Variants in CDH12 observed in about 807,000 individuals in gnomAD.
The protein encoded by CDH12 is cadherin-12.
A neutral mutation model predicts 74.1 loss-of-function variants in CDH12; 41 were observed. The ratio of observed to expected loss-of-function variants is 0.55; its 90% CI spans 0.43 to 0.72. CDH12 has a LOEUF of 0.72. Among genes scored for constraint, CDH12 ranks in the 30% least tolerant of loss-of-function variants. CDH12 has a pLI of 0.00. For missense variants in CDH12, 945 were observed against 977.2 expected, an observed-to-expected ratio of 0.97 and a Z score of 0.44; for synonymous variants, 399 against 355.0, an observed-to-expected ratio of 1.12 and a Z score of -1.39.
intron 3 of CDH12, among the ~76,000 whole-genome samples, chr5:22,399,136 A>G (rs963459448): frequency 6.6e-6 from 1 of 151,902 alleles, no homozygotes; most frequent in African/African-American, 2.4e-5. Flanking sequence ...TATTTATCCA[A>G]TCTGTATGTA....
chr5:21,874,369 G>T (rs893381580), intron 6 of CDH12, among the ~76,000 whole-genome samples: 1 of 152,132 alleles, frequency 6.6e-6, no homozygotes, highest in Non-Finnish European at 1.5e-5. Context: ...AGCCTAGCTG[G>T]GAAGGTGACC....
rs552710736 is a variant in CDH12 at position 22,282,691 on chromosome 5, A to T, written c.-332-70048T>A. Among the ~76,000 whole-genome samples, 37 of 152,284 alleles carry T rather than the reference A, an allele frequency of 2.4e-4. No individual in the cohort carries two copies. In the East Asian group the frequency reaches 3.5e-3, roughly 14 times the overall value. On this transcript the variant is annotated intron_variant, in intron 3 of 14. Transcript: ENST00000382254. ...AAATTCAAATCACAACCACAATGAG[A>T]TACAGTCTCACACCAGTTAGAATGA...
chr5:21,832,380 C>T (rs1040123946), intron 8 of CDH12, among the ~76,000 whole-genome samples: 4 of 152,048 alleles, frequency 2.6e-5, no homozygotes, highest in Admixed American at 2.6e-4. Context: ...TATATGCCTA[C>T]ATCAGCCTAT....
chr5:22,732,231 C>T lies in CDH12; in HGVS notation c.-523+120827G>A, dbSNP rs559836120. On this transcript the variant is annotated intron_variant, in intron 1 of 14. Transcript: ENST00000382254. ...CCAGTTTTCTCCTGGCATCTTCACACGGTCTTCCCTCTGTATATATCTTTG... is the reference window on the plus strand; with the variant it reads ...CCAGTTTTCTCCTGGCATCTTCACATGGTCTTCCCTCTGTATATATCTTTG... Among the ~76,000 whole-genome samples, 22 of 151,878 alleles carry T rather than the reference C, an allele frequency of 1.4e-4. No homozygotes were observed. The South Asian group carries it at 2.3e-3, about 16-fold the overall frequency.
intron 1 of CDH12, among the ~76,000 whole-genome samples, chr5:22,651,563 A>C (rs1386246080): frequency 6.6e-6 from 1 of 152,112 alleles, no homozygotes; most frequent in African/African-American, 2.4e-5. Context: ...GGGGGAAACC[A>C]CTTCCATGAT....
intron 2 of CDH12, among the ~76,000 whole-genome samples, chr5:22,478,238 G>C (rs1490984965): frequency 6.6e-6 from 1 of 151,830 alleles, no homozygotes; most frequent in East Asian, 2.0e-4. Flanking sequence ...CTAACACCGT[G>C]AAACTCCGTC....
rs1346446429 is a variant in CDH12, at chr5:22,273,648, T to A, written c.-332-61005A>T. Among the ~76,000 whole-genome samples the A allele has an allele frequency of 2.0e-5, 3 of 152,330 alleles. No homozygotes were observed. The East Asian group carries it at 5.8e-4, about 29-fold the overall frequency. On this transcript the variant is annotated intron_variant, in intron 3 of 14. Transcript: ENST00000382254. ...CTACCTGAAGAAGAAAAAGTTGCAA[T>A]GATAGAAGTAATCTTTTACTTCCAC...
rs1561161653 is a variant in CDH12, at chr5:21,761,785, G to GATA, written c.1516-1113_1516-1111dup. Among the ~76,000 whole-genome samples, 240 of 100,920 alleles carry GATA rather than the reference G, an allele frequency of 2.4e-3. 1 individual carries two copies. Among genetic ancestry groups the GATA allele is most frequent in the African/African-American group, 7.6e-3 (231 of 30,222 alleles). The allele number at this position is 100,920 out of a possible 152,430, so 66.2% of individuals were successfully genotyped here. On this transcript the variant is annotated intron_variant, in intron 12 of 14. Coordinates refer to ENST00000382254, the MANE Select transcript of CDH12 (RefSeq NM_004061.5). ...TAGATAGATAGATAGATAGATAGATGATAGATATCACTGGGACCTTGGATA... is the reference window on the plus strand; with the variant it reads ...TAGATAGATAGATAGATAGATAGATGATAATAGATATCACTGGGACCTTGGATA...
chr5:22,601,706 C>T (rs952274967), intron 1 of CDH12, among the ~76,000 whole-genome samples: 3 of 152,088 alleles, frequency 2.0e-5, no homozygotes, highest in South Asian at 2.1e-4. Flanking sequence ...CTCCCAGATG[C>T]GATGTTACTC....
At chr5:22,612,014 C>T (rs1043245807) in intron 1 of CDH12, among the ~76,000 whole-genome samples, 10 of 152,014 alleles carry the variant, frequency 6.6e-5, no homozygotes, top group Non-Finnish European at 1.0e-4. Context: ...GAATGGAATT[C>T]GGGCATATTC....
At chr5:21,804,643 A>AAAAAATACACACACACAC (rs1554032478) in intron 9 of CDH12, among the ~76,000 whole-genome samples, 15 of 115,366 alleles carry the variant, frequency 1.3e-4, no homozygotes, top group East Asian at 1.2e-3. Flanking sequence ...AGTGAATTAA[A>AAAAAATACACACACACAC]ACACACACAC....
At chr5:22,618,233 T>C (rs1025393213) in intron 1 of CDH12, among the ~76,000 whole-genome samples, 18 of 152,158 alleles carry the variant, frequency 1.2e-4, no homozygotes, top group Admixed American at 2.0e-4. Flanking sequence ...CACTGTGAGA[T>C]ACAGCATTTT....
intron 1 of CDH12, among the ~76,000 whole-genome samples, chr5:22,768,298 T>A (rs1325691260): frequency 6.6e-6 from 1 of 152,094 alleles, no homozygotes; most frequent in African/African-American, 2.4e-5. Flanking sequence ...AAACTAAATA[T>A]GTGTTATAAT....
At chr5:22,368,833 T>C (rs911480174) in intron 3 of CDH12, among the ~76,000 whole-genome samples, 2 of 152,160 alleles carry the variant, frequency 1.3e-5, no homozygotes, top group Non-Finnish European at 2.9e-5. Flanking sequence ...TCAACCTTTA[T>C]TCCTTTTTAA....
chr5:22,544,166 T>G (rs886633238), intron 1 of CDH12, among the ~76,000 whole-genome samples: 6 of 152,282 alleles, frequency 3.9e-5, no homozygotes, highest in African/African-American at 1.4e-4. Flanking sequence ...ATTTGGCTCT[T>G]TTCTCCTCTA....
intron 11 of CDH12, among the ~76,000 whole-genome samples, chr5:21,766,343 C>T (rs577128209): frequency 6.6e-6 from 1 of 151,968 alleles, no homozygotes; most frequent in Admixed American, 6.6e-5. Context: ...CTTATAATAC[C>T]AGGCGTGCTT....
chr5:21,805,632 C>T (rs1269734434), intron 9 of CDH12, among the ~76,000 whole-genome samples: 1 of 152,096 alleles, frequency 6.6e-6, no homozygotes, highest in East Asian at 1.9e-4. Flanking sequence ...GTATATAGCT[C>T]AGAAAGGGCA....
At chr5:22,475,705 T>G (rs1746137738) in intron 2 of CDH12, among the ~76,000 whole-genome samples, 1 of 152,020 alleles carries the variant, frequency 6.6e-6, no homozygotes, top group African/African-American at 2.4e-5. Context: ...ACCTTTTTTC[T>G]TCCAAAACTA....
intron 11 of CDH12, among the ~76,000 whole-genome samples, chr5:21,768,116 A>G (rs1745126272): frequency 6.6e-6 from 1 of 151,834 alleles, no homozygotes; most frequent in African/African-American, 2.4e-5. Flanking sequence ...AAATTTAATT[A>G]TGAACCTAGT....
Sources: gnomAD v4.1 joint callset for allele counts (sites outside exome capture counted in the v4.1 genomes callset) on GRCh38, gnomAD v4.1.1 for gene constraint, MANE v1.5 for transcripts, NCBI Gene and HGNC (gene_info 2026-07-23, HGNC 2026-07-21) for gene names.